SRGAP3: variants seen among roughly 807,000 people sequenced by gnomAD.
SRGAP3 encodes SLIT-ROBO Rho GTPase activating protein 3.
In SRGAP3, 39 loss-of-function variants were observed where a neutral mutation model predicts 121.1. The ratio of observed to expected loss-of-function variants is 0.32; its 90% confidence interval spans 0.25 to 0.42. The LOEUF (loss-of-function observed/expected upper bound fraction) is 0.42. Ranked by LOEUF, SRGAP3 falls within the 10% of genes least tolerant of loss-of-function variation. SRGAP3 has a pLI of 1.00. For missense variants in SRGAP3, 1,213 were observed against 1,470.6 expected (o/e 0.82, Z 2.86); for synonymous variants, 601 against 570.0 (o/e 1.05, Z -0.77).
intron 4 of SRGAP3, among the ~76,000 whole-genome samples, chr3:9,076,490 G>T (rs539142366): frequency 5.9e-5 from 9 of 152,248 alleles, no homozygotes; most frequent in African/African-American, 1.9e-4. Flanking sequence ...GGCCAAGCTC[G>T]TAAGTGGTGC....
At chr3:9,015,511 C>G in intron 15 of SRGAP3, 86 bp downstream of exon 15, 2 of 1,568,378 alleles carry the variant, frequency 1.3e-6, no homozygotes, top group Non-Finnish European at 1.7e-6. Flanking sequence ...TGTCCCTCCT[C>G]TATGCCTAGC....
chr3:9,044,597 A>G (rs140726726), intron 10 of SRGAP3, among the ~76,000 whole-genome samples: 66 of 152,354 alleles, frequency 4.3e-4, no homozygotes, highest in Non-Finnish European at 7.8e-4. Context: ...ACCACAAATA[A>G]AGAAGGGCTA....
chr3:9,056,674 G>C (rs544171410), intron 7 of SRGAP3, among the ~76,000 whole-genome samples: 13 of 152,298 alleles, frequency 8.5e-5, no homozygotes, highest in African/African-American at 3.1e-4. Flanking sequence ...AAGAAATTGT[G>C]GCAAGAAAGC....
chr3:9,223,416 C>G (rs1187574274), intron 1 of SRGAP3, among the ~76,000 whole-genome samples: 2 of 152,178 alleles, frequency 1.3e-5, no homozygotes, highest in East Asian at 3.8e-4. Context: ...CAGGACTTAT[C>G]AGAGTCTTTA....
At chr3:9,129,719 T>C (rs1307035323) in intron 1 of SRGAP3, among the ~76,000 whole-genome samples, 1 of 152,050 alleles carries the variant, frequency 6.6e-6, no homozygotes, top group African/African-American at 2.4e-5. Flanking sequence ...TCCCAGCACA[T>C]AATAGGTCAT....
intron 18 of SRGAP3, among the ~76,000 whole-genome samples, chr3:8,998,631 A>G (rs570314739): frequency 6.6e-6 from 1 of 152,184 alleles, no homozygotes; most frequent in South Asian, 2.1e-4. Flanking sequence ...TTGAAACTTT[A>G]CTATCAATCT....
Position 9,211,787 on chromosome 3 carries a change from C to CA in SRGAP3, c.67+37097dup, listed in dbSNP as rs1952455318. 2.0e-5 allele frequency among the ~76,000 whole-genome samples: 3 copies of CA among 151,616 alleles called. No homozygotes were observed. In the South Asian group the frequency reaches 6.3e-4, roughly 32 times the overall value. On this transcript the variant is annotated intron_variant, in intron 1 of 21. Coordinates refer to ENST00000383836, the MANE Select transcript of SRGAP3 (RefSeq NM_014850.4). The stretch of plus-strand genomic sequence containing the variant: ...ACCTCCTGGGCTTAAGCCTTCCTCT[C>CA]ACATCAGCATCCTGAGTAGCTGGGA...
chr3:9,020,652 G>C (rs1191419027), intron 14 of SRGAP3, among the ~76,000 whole-genome samples: 2 of 152,128 alleles, frequency 1.3e-5, no homozygotes, highest in African/African-American at 4.8e-5. Flanking sequence ...CTCCTGCAAG[G>C]CTCTCAGTCC....
chr3:9,141,273 T>G (rs915755112), intron 1 of SRGAP3, among the ~76,000 whole-genome samples: 37 of 152,196 alleles, frequency 2.4e-4, no homozygotes, highest in African/African-American at 8.9e-4. Context: ...TCTGGCCATG[T>G]GTGCATTCAC....
At chr3:9,091,816 C>T (rs999827153) in intron 3 of SRGAP3, among the ~76,000 whole-genome samples, 1 of 152,196 alleles carries the variant, frequency 6.6e-6, no homozygotes, top group African/African-American at 2.4e-5. Flanking sequence ...GTTATTCTTC[C>T]CCTCTGCCTC....
At chr3:9,277,096 T>C (rs947780555) in intron 3 of SRGAP3, among the ~76,000 whole-genome samples, 3 of 152,232 alleles carry the variant, frequency 2.0e-5, no homozygotes, top group African/African-American at 7.2e-5. Flanking sequence ...TAAAAGATTA[T>C]CTTGAGGGTT....
chr3:9,050,413 G>A (rs1322982503), intron 9 of SRGAP3, among the ~76,000 whole-genome samples: 2 of 152,164 alleles, frequency 1.3e-5, no homozygotes, highest in East Asian at 3.9e-4. Flanking sequence ...ACAGCCTGGG[G>A]CTCTGTAGCT....
chr3:9,124,686 C>A, intron 2 of SRGAP3, 39 bp downstream of exon 2: 1 of 1,612,716 alleles, frequency 6.2e-7, no homozygotes, highest in South Asian at 1.1e-5. Context: ...CACCCCAGTG[C>A]TGCCTCCCAT....
At chr3:9,007,630 G>T (rs1221081954) in intron 18 of SRGAP3, 2 of 152,110 alleles carry the variant, frequency 1.3e-5, no homozygotes, top group Admixed American at 6.5e-5. Flanking sequence ...GTCCATTGAT[G>T]TTTCTTATCC....
At chr3:9,147,019 G>C (rs910313030) in intron 1 of SRGAP3, among the ~76,000 whole-genome samples, 7 of 152,198 alleles carry the variant, frequency 4.6e-5, no homozygotes, top group African/African-American at 1.7e-4. Context: ...AATTAATCCA[G>C]CTAGCACTTA....
intron 9 of SRGAP3, chr3:9,049,304 T>G: frequency 2.3e-6 from 1 of 427,150 alleles, no homozygotes; most frequent in Non-Finnish European, 4.7e-6. Context: ...GAGGTTGTGG[T>G]GTCCTCTCTC....
chr3:9,155,377 G>A (rs1016624848), intron 1 of SRGAP3, among the ~76,000 whole-genome samples: 4 of 152,178 alleles, frequency 2.6e-5, no homozygotes, highest in Non-Finnish European at 5.9e-5. Flanking sequence ...CTGTCTGGGT[G>A]TGGATTTATT....
At chr3:9,051,020 T>TC (rs1414393500) in intron 9 of SRGAP3, among the ~76,000 whole-genome samples, 9 of 32,000 alleles carry the variant, frequency 2.8e-4, no homozygotes, top group African/African-American at 1.3e-3. Flanking sequence ...CTCATTGCTT[T>TC]TTTTTTTTTT....
At chr3:8,994,007 G>T in intron 19 of SRGAP3, 3 of 391,758 alleles carry the variant, frequency 7.7e-6, no homozygotes, top group Admixed American at 3.7e-5. Flanking sequence ...CCGTAGGCAG[G>T]GGAGGCCTAG....
Sources: allele counts gnomAD v4.1 joint callset (sites outside exome capture counted in the v4.1 genomes callset), GRCh38; gene constraint gnomAD v4.1.1; transcripts MANE v1.5; gene names NCBI Gene and HGNC (gene_info 2026-07-23, HGNC 2026-07-21).